Variants in FBXL13 observed in about 807,000 individuals in gnomAD.
FBXL13 encodes F-box and leucine rich repeat protein 13.
FBXL13 carries 67 observed loss-of-function variants against 83.6 expected under a neutral mutation model. The observed-to-expected ratio is 0.80, with a 90% CI of 0.66 to 0.98. The LOEUF is 0.98. Among genes scored for constraint, FBXL13 ranks in the 50% least tolerant of loss-of-function variants. The pLI, the probability that FBXL13 is intolerant of heterozygous loss-of-function variation, is 0.00. For missense variants in FBXL13, 822 were observed against 866.5 expected, an observed-to-expected ratio of 0.95 and a Z score of 0.64; for synonymous variants, 272 against 299.5, an observed-to-expected ratio of 0.91 and a Z score of 0.95.
rs372689799 is a variant in FBXL13 at position 102,951,362 on chromosome 7, C to T, written c.724+12171G>A. Among the ~76,000 whole-genome samples the T allele has an allele frequency of 5.0e-4, 11 of 22,012 alleles. 1 individual carries two copies. Among genetic ancestry groups the T allele is most frequent in the Admixed American group, 1.5e-3 (3 of 1,996 alleles). 14.4% of individuals were successfully genotyped at this position (22,012 alleles called of 152,430 possible). On this transcript the variant is annotated intron_variant, in intron 8 of 19. Transcript: ENST00000313221. ...CTGCACTCCAGCCTGGGCAACAGAG[C>T]GAGACTCCATCTCTAAATAAATAAA...
chr7:102,826,874 G>T (rs567790929), intron 18 of FBXL13, among the ~76,000 whole-genome samples: 1 of 145,354 alleles, frequency 6.9e-6, no homozygotes, highest in South Asian at 2.2e-4. Context: ...AGAGGGAGAG[G>T]CTCTTAGGAA....
intron 16 of FBXL13, among the ~76,000 whole-genome samples, chr7:102,873,716 CCT>C (rs1808846885): frequency 6.6e-6 from 1 of 152,216 alleles, no homozygotes; most frequent in Admixed American, 6.5e-5. Flanking sequence ...TGACCTGACC[CCT>C]GTCTACCTCT....
At chr7:103,046,067 T>TG (rs1796244976) in intron 2 of FBXL13, among the ~76,000 whole-genome samples, 1 of 152,220 alleles carries the variant, frequency 6.6e-6, no homozygotes, top group East Asian at 1.9e-4. Flanking sequence ...GTTTAGAGTA[T>TG]GCTCCTTACC....
chr7:102,837,195 G>A (rs573239078), intron 17 of FBXL13, among the ~76,000 whole-genome samples: 19 of 152,270 alleles, frequency 1.2e-4, no homozygotes, highest in African/African-American at 4.6e-4. Flanking sequence ...AGAGCAAGTG[G>A]GACTGGTCAT....
chr7:102,850,272 A>T (rs898429402), intron 17 of FBXL13, among the ~76,000 whole-genome samples: 1 of 152,122 alleles, frequency 6.6e-6, no homozygotes, highest in African/African-American at 2.4e-5. Context: ...AAAAAGAATG[A>T]CAGAAAACAC....
intron 6 of FBXL13, among the ~76,000 whole-genome samples, chr7:103,009,386 CTGTCTGGGCTCAGCA>C (rs1446096171): frequency 6.6e-6 from 1 of 152,190 alleles, no homozygotes; most frequent in African/African-American, 2.4e-5. Flanking sequence ...GGGGACCAGC[CTGTCTGGGCTCAGCA>C]TGGAGCCAGG....
chr7:102,991,417 C>T (rs1829547102), intron 6 of FBXL13, among the ~76,000 whole-genome samples: 1 of 152,160 alleles, frequency 6.6e-6, no homozygotes, highest in African/African-American at 2.4e-5. Flanking sequence ...TTGAGTGTCA[C>T]AGTGGGCAGG....
At chr7:103,038,569 T>C (rs147212412) in intron 2 of FBXL13, among the ~76,000 whole-genome samples, 1,677 of 152,168 alleles carry the variant, frequency 0.011, 35 homozygotes, top group African/African-American at 0.039. Context: ...TAGGGGCTGA[T>C]AGACACCTCA....
intron 1 of FBXL13, among the ~76,000 whole-genome samples, chr7:103,063,497 T>C (rs906563058): frequency 1.3e-5 from 2 of 152,194 alleles, no homozygotes; most frequent in African/African-American, 4.8e-5. Context: ...GGGATTACTG[T>C]ATTCTTTACT....
At chr7:102,827,034 G>A (rs1799859615) in intron 18 of FBXL13, 1 of 400,974 alleles carries the variant, frequency 2.5e-6, no homozygotes, top group Non-Finnish European at 5.4e-6. Flanking sequence ...GCAAGAAGTA[G>A]AGTCTGTTTC....
At chr7:103,073,346 T>C (rs1436185211) in intron 1 of FBXL13, among the ~76,000 whole-genome samples, 2 of 152,128 alleles carry the variant, frequency 1.3e-5, no homozygotes, top group Non-Finnish European at 2.9e-5. Flanking sequence ...GAGCCAGCCA[T>C]GTGGTGTATG....
rs374921719 is a variant in FBXL13, at chr7:102,822,174, C to T, written c.1884G>A (p.Ser628=). Residue 628 remains serine (S), a synonymous_variant, in exon 19 of 20, where the codon TCG becomes TCA. Coordinates refer to ENST00000313221, the Ensembl canonical transcript of FBXL13. ...AAATGTGCAGGTAATGGCATTTTGC[C>T]GATAACATCTCCATTGCTGAGTCAG... 3.2e-5 allele frequency: 51 copies of T among 1,613,918 alleles called. No individual in the cohort carries two copies. In the East Asian group the frequency reaches 3.3e-4, roughly 11 times the overall value.
chr7:103,063,927 C>A (rs1214919255), intron 1 of FBXL13, among the ~76,000 whole-genome samples: 2 of 152,108 alleles, frequency 1.3e-5, no homozygotes, highest in Non-Finnish European at 2.9e-5. Flanking sequence ...GTAACAAACT[C>A]AACTTAATAC....
intron 1 of FBXL13, among the ~76,000 whole-genome samples, chr7:103,065,307 C>G (rs1798291290): frequency 6.6e-6 from 1 of 152,200 alleles, no homozygotes; most frequent in East Asian, 1.9e-4. Context: ...TTTGTATCAT[C>G]TATATATCTA....
intron 19 of FBXL13, chr7:102,816,215 A>T (rs1251789403): frequency 2.6e-5 from 4 of 152,190 alleles, no homozygotes; most frequent in African/African-American, 9.7e-5. Context: ...AAAGGATCAG[A>T]TCTCAGACCC....
intron 3 of FBXL13, 145 bp downstream of exon 4, chr7:103,029,205 TA>T (rs1794253606): frequency 2.2e-6 from 1 of 458,382 alleles, no homozygotes; most frequent in Admixed American, 4.3e-5. Flanking sequence ...TGATTAAATA[TA>T]AAAGAAATAT....
At chr7:102,828,502 C>T (rs1800112719) in intron 18 of FBXL13, among the ~76,000 whole-genome samples, 1 of 152,142 alleles carries the variant, frequency 6.6e-6, no homozygotes, top group East Asian at 1.9e-4. Flanking sequence ...CATGGGGAAT[C>T]CCAGAATTAG....
At chr7:102,847,141 G>A (rs1196588104) in intron 17 of FBXL13, among the ~76,000 whole-genome samples, 1 of 151,998 alleles carries the variant, frequency 6.6e-6, no homozygotes, top group Non-Finnish European at 1.5e-5. Context: ...TTGGGAAGTT[G>A]CGACAGAGAC....
chr7:102,896,704 GC>G (rs1211135348), intron 11 of FBXL13, among the ~76,000 whole-genome samples: 1 of 152,144 alleles, frequency 6.6e-6, no homozygotes, highest in African/African-American at 2.4e-5. Flanking sequence ...CTCCCTGTAT[GC>G]TTGTGTCTGT....
Sources: gnomAD v4.1 joint callset for allele counts (sites outside exome capture counted in the v4.1 genomes callset) on GRCh38, gnomAD v4.1.1 for gene constraint, MANE v1.5 for transcripts, NCBI Gene and HGNC (gene_info 2026-07-23, HGNC 2026-07-21) for gene names.